DSCAML1: variants seen among roughly 807,000 people sequenced by gnomAD.
DSCAML1 encodes the protein DS cell adhesion molecule like 1, also known as cell adhesion molecule DSCAML1.
Under a neutral mutation model 200.5 loss-of-function variants are expected in DSCAML1, and 38 were observed. The ratio of observed to expected loss-of-function variants is 0.19; its 90% CI spans 0.15 to 0.25. The LOEUF (loss-of-function observed/expected upper bound fraction) is 0.25, where lower values mean the gene tolerates loss of function less well. Among genes scored for constraint, DSCAML1 ranks in the 10% least tolerant of loss-of-function variants. The probability of loss-of-function intolerance (pLI) is 1.00; values close to 1 mark genes in which losing one functional copy is unlikely to be tolerated. For missense variants in DSCAML1, 2,223 were observed against 2,858.8 expected, an observed-to-expected ratio of 0.78 and a Z score of 5.07; for synonymous variants, 1,215 against 1,165.0, an observed-to-expected ratio of 1.04 and a Z score of -0.87.
intron 3 of DSCAML1, among the ~76,000 whole-genome samples, chr11:117,740,384 T>G (rs889302822): frequency 1.3e-5 from 2 of 152,130 alleles, no homozygotes; most frequent in Non-Finnish European, 2.9e-5. Flanking sequence ...AACATTAAGG[T>G]GACCAATGAT....
chr11:117,486,155 C>T (rs1383705183), intron 11 of DSCAML1, among the ~76,000 whole-genome samples: 56 of 152,178 alleles, frequency 3.7e-4, no homozygotes, highest in Admixed American at 3.4e-3. Flanking sequence ...TTTCCATCCT[C>T]GCCAGCGCAA....
chr11:117,558,715 C>T (rs950639871), intron 3 of DSCAML1, among the ~76,000 whole-genome samples: 3 of 152,122 alleles, frequency 2.0e-5, no homozygotes, highest in Non-Finnish European at 2.9e-5. Context: ...CCAAGCTCCC[C>T]GAAAAAGAAA....
intron 3 of DSCAML1, among the ~76,000 whole-genome samples, chr11:117,639,238 T>C (rs901403920): frequency 2.6e-4 from 38 of 146,648 alleles, no homozygotes; most frequent in Non-Finnish European, 4.8e-4. Context: ...GGAGGCTGGA[T>C]GGATGGGAGG....
intron 3 of DSCAML1, among the ~76,000 whole-genome samples, chr11:117,579,952 A>C (rs1226147053): frequency 6.6e-6 from 1 of 152,182 alleles, no homozygotes; most frequent in African/African-American, 2.4e-5. Flanking sequence ...GAAGAGTGTC[A>C]GTTTTTTATA....
At chr11:117,631,876 G>A (rs2052181520) in intron 3 of DSCAML1, among the ~76,000 whole-genome samples, 1 of 152,216 alleles carries the variant, frequency 6.6e-6, no homozygotes. Flanking sequence ...AAGCTAAGGA[G>A]AGAAGGTCTA....
In DSCAML1 at chr11:117,687,142, A is replaced by G. The variant is rs186985518; in HGVS notation, c.511+89649T>C. On this transcript the variant is annotated intron_variant, in intron 3 of 32. Transcript: ENST00000651296. ...GAGGATTTATAGGAGAGACAGGAAG[A>G]AAAGGAGGAGAGGCCAGAGCGGGAG... Among the ~76,000 whole-genome samples the G allele has an allele frequency of 3.1e-3, 474 of 152,330 alleles. 2 individuals are homozygous for G. Among genetic ancestry groups the G allele is most frequent in the African/African-American group, 9.6e-3 (399 of 41,562 alleles).
At chr11:117,533,387 A>G (rs2050115117) in intron 3 of DSCAML1, among the ~76,000 whole-genome samples, 1 of 152,190 alleles carries the variant, frequency 6.6e-6, no homozygotes, top group Non-Finnish European at 1.5e-5. Flanking sequence ...TCTGACTCCC[A>G]GTTGTCCTTC....
chr11:117,472,681 T>C (rs1257481831), intron 14 of DSCAML1, among the ~76,000 whole-genome samples: 1 of 152,184 alleles, frequency 6.6e-6, no homozygotes, highest in Non-Finnish European at 1.5e-5. Flanking sequence ...GTTCACGATT[T>C]ATCCAGGGAG....
At chr11:117,593,221 A>C (rs1246155735) in intron 3 of DSCAML1, among the ~76,000 whole-genome samples, 1 of 152,212 alleles carries the variant, frequency 6.6e-6, no homozygotes, top group Non-Finnish European at 1.5e-5. Context: ...ACAGACTCAC[A>C]GGCTCAGTGC....
chr11:117,453,746 CT>C (rs138176049), intron 19 of DSCAML1, among the ~76,000 whole-genome samples: 111 of 138,142 alleles, frequency 8.0e-4, no homozygotes, highest in Middle Eastern at 3.6e-3. Flanking sequence ...TTCTTTCTTT[CT>C]TTTTTTTTTT....
At chr11:117,506,589 C>A (rs1320036034) in intron 8 of DSCAML1, among the ~76,000 whole-genome samples, 1 of 117,250 alleles carries the variant, frequency 8.5e-6, no homozygotes, top group African/African-American at 3.3e-5. Flanking sequence ...CAAGGTTTTG[C>A]TCTGTCACCC....
intron 3 of DSCAML1, among the ~76,000 whole-genome samples, chr11:117,610,491 G>A (rs1432865980): frequency 6.6e-6 from 1 of 151,996 alleles, no homozygotes; most frequent in Non-Finnish European, 1.5e-5. Context: ...TAGTCTCCAG[G>A]AGCAACCTCC....
At position 117,780,645 on chromosome 11, in the gene DSCAML1, G is replaced by A. The variant is rs750900813; in HGVS notation, c.212C>T (p.Pro71Leu). The change falls in exon 2 of 33, where the codon CCG becomes CTG. Residue 71 changes from proline to leucine, a missense_variant. By Grantham distance (98) the Pro-to-Leu change is moderately conservative (BLOSUM62 -3). Coordinates refer to ENST00000651296, the MANE Select transcript of DSCAML1 (RefSeq NM_020693.4). The surrounding 1 kb of genome is among the most constrained non-coding windows in gnomAD (Gnocchi z 4.8). Reference protein sequence around the residue: ...LATGDDIYDVPHIRHVHANGT... With the variant: ...LATGDDIYDVLHIRHVHANGT... ...GTTGGCGTGGACGTGCCGGATGTGC[G>A]GCACGTCGTAGATGTCGTCCCCTGT... 2 of 1,589,370 alleles carry A rather than the reference G, an allele frequency of 1.3e-6. No homozygotes were observed. Among genetic ancestry groups the A allele is most frequent in the African/African-American group, 1.3e-5 (1 of 74,160 alleles).
At chr11:117,650,663 C>CTG (rs1385917487) in intron 3 of DSCAML1, among the ~76,000 whole-genome samples, 2 of 125,566 alleles carry the variant, frequency 1.6e-5, no homozygotes, top group East Asian at 4.4e-4. Flanking sequence ...GTGTGTGTGT[C>CTG]TATCTGTGTG....
intron 3 of DSCAML1, among the ~76,000 whole-genome samples, chr11:117,557,778 G>A (rs1223394347): frequency 1.3e-5 from 2 of 151,690 alleles, no homozygotes; most frequent in African/African-American, 2.4e-5. Flanking sequence ...GGGAAAAAGC[G>A]GGCTGAGGCT....
At chr11:117,678,075 C>T (rs2053247973) in intron 3 of DSCAML1, among the ~76,000 whole-genome samples, 1 of 152,204 alleles carries the variant, frequency 6.6e-6, no homozygotes, top group Admixed American at 6.5e-5. Flanking sequence ...AGAGCTTCCT[C>T]CAAATAACTC....
intron 3 of DSCAML1, among the ~76,000 whole-genome samples, chr11:117,601,569 C>CT (rs1433906266): frequency 6.6e-6 from 1 of 152,248 alleles, no homozygotes; most frequent in Admixed American, 6.5e-5. Context: ...ATTCCTTTCA[C>CT]TTAAACCATG....
chr11:117,659,390 G>A (rs1190281388), intron 3 of DSCAML1, among the ~76,000 whole-genome samples: 1 of 152,150 alleles, frequency 6.6e-6, no homozygotes, highest in Non-Finnish European at 1.5e-5. Flanking sequence ...TGGAAACTGG[G>A]GCCAAAAGAG....
At chr11:117,668,697 G>A (rs771994670) in intron 3 of DSCAML1, 1 of 152,224 alleles carries the variant, frequency 6.6e-6, no homozygotes, top group Non-Finnish European at 1.5e-5. Flanking sequence ...AAAGCAACCT[G>A]GTCTCACACC....
Sources: allele counts gnomAD v4.1 joint callset (sites outside exome capture counted in the v4.1 genomes callset), GRCh38; gene constraint gnomAD v4.1.1; non-coding constraint Gnocchi (gnomAD v3.1); transcripts MANE v1.5; gene names NCBI Gene and HGNC (gene_info 2026-07-23, HGNC 2026-07-21).